OPCML: variants seen among roughly 807,000 people sequenced by gnomAD.
OPCML encodes opioid binding protein/cell adhesion molecule like, also known as opioid-binding protein/cell adhesion molecule.
A neutral mutation model predicts 37.8 loss-of-function variants in OPCML; 13 were observed. The ratio of observed to expected loss-of-function variants is 0.34; its 90% CI spans 0.22 to 0.55. The LOEUF is 0.55. Ranked by LOEUF, OPCML falls within the 20% of genes least tolerant of loss-of-function variation. The probability of loss-of-function intolerance (pLI) is 0.91; values close to 1 mark genes in which losing one functional copy is unlikely to be tolerated. For synonymous variants in OPCML, 176 were observed against 168.8 expected, an observed-to-expected ratio of 1.04 and a Z score of -0.33; for missense variants, 341 against 435.6, an observed-to-expected ratio of 0.78 and a Z score of 1.93.
In OPCML at chr11:133,223,540, G is replaced by A. The variant is rs572386072; in HGVS notation, c.62-280530C>T. Among the ~76,000 whole-genome samples, 173 of 152,262 alleles carry A rather than the reference G, an allele frequency of 1.1e-3. 1 individual carries two copies. The highest frequency in any genetic ancestry group is 4.0e-3 in the African/African-American group (168 of 41,532). On this transcript the variant is annotated intron_variant, in intron 1 of 7. Coordinates refer to ENST00000524381, the MANE Select transcript of OPCML (RefSeq NM_001012393.5). ...ATAGTCGGGAAAAATATGGGGACGG[G>A]GGTCAGAGGCAAGAAACTGCACCAG...
chr11:132,815,392 G>A (rs1371100824), intron 2 of OPCML, among the ~76,000 whole-genome samples: 8 of 152,158 alleles, frequency 5.3e-5, no homozygotes, highest in Admixed American at 5.2e-4. Context: ...ACACAAACAT[G>A]TAATACATCA....
At chr11:132,507,164 T>A (rs2096258975) in intron 4 of OPCML, among the ~76,000 whole-genome samples, 2 of 151,850 alleles carry the variant, frequency 1.3e-5, no homozygotes. Flanking sequence ...AAGCTCTAAT[T>A]ACTTTTGAAT....
chr11:132,589,200 A>C (rs75773586), intron 3 of OPCML, among the ~76,000 whole-genome samples: 3,849 of 152,278 alleles, frequency 0.025, 68 homozygotes, highest in Non-Finnish European at 0.036. Context: ...ACAAAAATGC[A>C]TAGAAACCAT....
chr11:132,967,462 T>C (rs189295664), intron 1 of OPCML, among the ~76,000 whole-genome samples: 98 of 152,184 alleles, frequency 6.4e-4, no homozygotes, highest in Admixed American at 1.3e-3. Flanking sequence ...GTATTAACCA[T>C]CTTATTTGCC....
chr11:133,302,234 G>A (rs1266818004), intron 1 of OPCML: 1 of 152,132 alleles, frequency 6.6e-6, no homozygotes, highest in African/African-American at 2.4e-5. Flanking sequence ...CCAGGTGGAG[G>A]TAATTGAATC....
At chr11:132,978,346 A>G (rs1946509246) in intron 1 of OPCML, among the ~76,000 whole-genome samples, 1 of 152,210 alleles carries the variant, frequency 6.6e-6, no homozygotes, top group Non-Finnish European at 1.5e-5. Context: ...GGTTTAACAT[A>G]GTCCCCCTGA....
intron 2 of OPCML, among the ~76,000 whole-genome samples, chr11:132,871,457 CTGTTTACATAA>C (rs1942791726): frequency 6.6e-6 from 1 of 152,192 alleles, no homozygotes; most frequent in South Asian, 2.1e-4. Flanking sequence ...AATATCATGA[CTGTTTACATAA>C]TGTTTACATT....
intron 1 of OPCML, among the ~76,000 whole-genome samples, chr11:133,484,075 T>TTG (rs1947470188): frequency 1.4e-5 from 2 of 147,522 alleles, no homozygotes; most frequent in African/African-American, 5.3e-5. Context: ...GATAGATAGA[T>TTG]AGATAGATTC....
chr11:132,802,237 C>A (rs182495643), intron 2 of OPCML, among the ~76,000 whole-genome samples: 1 of 152,290 alleles, frequency 6.6e-6, no homozygotes, highest in East Asian at 1.9e-4. Flanking sequence ...GCACACAGTC[C>A]ATTTTTTACC....
chr11:133,433,402 A>G (rs761727889), intron 1 of OPCML, among the ~76,000 whole-genome samples: 9 of 152,156 alleles, frequency 5.9e-5, no homozygotes, highest in Non-Finnish European at 1.2e-4. Flanking sequence ...TGTAGTTTTC[A>G]AAGTTCCTTT....
intron 2 of OPCML, among the ~76,000 whole-genome samples, chr11:132,880,408 C>G (rs749467041): frequency 6.6e-6 from 1 of 152,022 alleles, no homozygotes; most frequent in Admixed American, 6.6e-5. Flanking sequence ...ATTTTATTTT[C>G]CCCTATTATA....
At chr11:132,924,567 C>A (rs1198061183) in intron 2 of OPCML, among the ~76,000 whole-genome samples, 1 of 152,194 alleles carries the variant, frequency 6.6e-6, no homozygotes, top group Non-Finnish European at 1.5e-5. Flanking sequence ...AAATATTTCA[C>A]CCTGCTCTTT....
chr11:132,627,836 A>G (rs1171197409), intron 3 of OPCML, among the ~76,000 whole-genome samples: 3 of 152,222 alleles, frequency 2.0e-5, no homozygotes, highest in Admixed American at 1.3e-4. Flanking sequence ...AGCAAATTCA[A>G]TCGAAGCTCA....
chr11:133,473,414 G>A (rs1439444876), intron 1 of OPCML, among the ~76,000 whole-genome samples: 1 of 152,172 alleles, frequency 6.6e-6, no homozygotes, highest in Non-Finnish European at 1.5e-5. Context: ...AAATAGGTTT[G>A]CTGACTTTAA....
chr11:132,438,883 C>T (rs1470859483), intron 4 of OPCML, among the ~76,000 whole-genome samples: 3 of 152,082 alleles, frequency 2.0e-5, no homozygotes, highest in Non-Finnish European at 4.4e-5. Context: ...CTACCCATTT[C>T]CCCAGACCAT....
At chr11:133,135,296 C>T (rs1200655955) in intron 1 of OPCML, among the ~76,000 whole-genome samples, 1 of 152,170 alleles carries the variant, frequency 6.6e-6, no homozygotes, top group Non-Finnish European at 1.5e-5. Context: ...TTATGATTAG[C>T]ATGTGATTGG....
intron 3 of OPCML, among the ~76,000 whole-genome samples, chr11:132,607,161 A>G (rs1938354099): frequency 6.6e-6 from 1 of 152,226 alleles, no homozygotes; most frequent in African/African-American, 2.4e-5. Context: ...AATTACTATT[A>G]TAATTACTGA....
chr11:133,437,882 T>G (rs530687978), intron 1 of OPCML, among the ~76,000 whole-genome samples: 2 of 152,152 alleles, frequency 1.3e-5, no homozygotes, highest in African/African-American at 4.8e-5. Flanking sequence ...CTCCACACCC[T>G]GGCAAACTTG....
intron 4 of OPCML, among the ~76,000 whole-genome samples, chr11:132,463,876 CAA>C (rs1027188501): frequency 1.3e-4 from 20 of 152,156 alleles, no homozygotes; most frequent in African/African-American, 4.8e-4. Flanking sequence ...TTCTGAAATT[CAA>C]AGAGACCTAG....
Sources: allele counts gnomAD v4.1 joint callset (sites outside exome capture counted in the v4.1 genomes callset), GRCh38; gene constraint gnomAD v4.1.1; transcripts MANE v1.5; gene names NCBI Gene and HGNC (gene_info 2026-07-23, HGNC 2026-07-21).